The following IGF1R variants were observed in gnomAD, a reference collection of about 807,000 sequenced individuals.
IGF1R encodes the protein insulin like growth factor 1 receptor.
In IGF1R, 44 loss-of-function variants were observed where a neutral mutation model predicts 144.6. That is an observed-to-expected ratio of 0.30 (90% confidence interval 0.24 to 0.39). The LOEUF (loss-of-function observed/expected upper bound fraction) is 0.39, where lower values mean the gene tolerates loss of function less well. IGF1R is among the 10% of genes least tolerant of loss of function. The pLI is 1.00. For missense variants in IGF1R, 1,355 were observed against 1,833.7 expected (o/e 0.74, Z 4.77); for synonymous variants, 795 against 722.8 (o/e 1.10, Z -1.60).
chr15:98,887,425 G>A, intron 2 of IGF1R, among the ~76,000 whole-genome samples: 1 of 126,482 alleles, frequency 7.9e-6, no homozygotes. Flanking sequence ...TCTTTTCAAC[G>A]TTCTTATTAC....
At chr15:98,882,505 T>C (rs4966034) in intron 2 of IGF1R, among the ~76,000 whole-genome samples, 29,215 of 152,140 alleles carry the variant, frequency 0.19, 3,733 homozygotes, top group East Asian at 0.41. Context: ...GAATCTGTGA[T>C]TGGATGAAAG....
intron 19 of IGF1R, among the ~76,000 whole-genome samples, chr15:98,947,179 T>A (rs180928698): frequency 6.6e-6 from 1 of 152,358 alleles, no homozygotes; most frequent in Admixed American, 6.5e-5. Context: ...CGACAGCATT[T>A]CTTGGTCACT....
chr15:98,757,018 G>T (rs1567113326), intron 2 of IGF1R, among the ~76,000 whole-genome samples: 1 of 152,142 alleles, frequency 6.6e-6, no homozygotes, highest in Non-Finnish European at 1.5e-5. Flanking sequence ...TTGCTTTGTG[G>T]ACATTAAAAA....
intron 20 of IGF1R, among the ~76,000 whole-genome samples, chr15:98,950,325 A>T (rs2016725613): frequency 1.3e-5 from 2 of 152,314 alleles, no homozygotes; most frequent in Middle Eastern, 6.8e-3. Context: ...AGTTTTGCTC[A>T]TTTGGTCTCC....
chr15:98,843,313 A>G (rs2011209328), intron 2 of IGF1R, among the ~76,000 whole-genome samples: 1 of 152,160 alleles, frequency 6.6e-6, no homozygotes, highest in African/African-American at 2.4e-5. Context: ...TCTTACCTGC[A>G]TAATAGACGC....
intron 2 of IGF1R, among the ~76,000 whole-genome samples, chr15:98,776,324 A>G (rs570853065): frequency 5.3e-5 from 8 of 151,966 alleles, no homozygotes; most frequent in Admixed American, 3.3e-4. Flanking sequence ...AACAGGGTCT[A>G]TGGGCATGTG....
chr15:98,823,647 G>T (rs927186933), intron 2 of IGF1R, among the ~76,000 whole-genome samples: 1 of 152,208 alleles, frequency 6.6e-6, no homozygotes, highest in Non-Finnish European at 1.5e-5. Flanking sequence ...CACAGGGCTG[G>T]TCTGAGCCCA....
intron 2 of IGF1R, among the ~76,000 whole-genome samples, chr15:98,882,960 G>A (rs1461008504): frequency 1.3e-5 from 2 of 152,170 alleles, no homozygotes; most frequent in Non-Finnish European, 2.9e-5. Flanking sequence ...ACCTTTCTGT[G>A]TGCTCCTGGG....
intron 10 of IGF1R, among the ~76,000 whole-genome samples, chr15:98,920,935 G>A (rs149922182): frequency 8.7e-4 from 132 of 152,294 alleles, no homozygotes; most frequent in South Asian, 2.5e-3. Flanking sequence ...CCTGCCGAGC[G>A]TCAGCCGAAC....
At chr15:98,872,609 C>G (rs1312116434) in intron 2 of IGF1R, among the ~76,000 whole-genome samples, 1 of 152,206 alleles carries the variant, frequency 6.6e-6, no homozygotes, top group Non-Finnish European at 1.5e-5. Flanking sequence ...CACATTTCAT[C>G]TTATACCAGT....
rs145417595 is a variant in IGF1R, at chr15:98,883,317, A to G, written c.641-8008A>G. Among the ~76,000 whole-genome samples, 387 of 152,234 alleles carry G rather than the reference A, an allele frequency of 2.5e-3. 2 individuals carry two copies. The highest frequency in any genetic ancestry group is 8.9e-3 in the African/African-American group (371 of 41,524). On this transcript the variant is annotated intron_variant, in intron 2 of 20. Transcript: ENST00000650285. Reference sequence around the variant, plus strand: ...AGTGGCTCAGTGGGGTTTTTTTCCAACCATTCCTTAGGATGACCAGAAGCT... The same window carrying G: ...AGTGGCTCAGTGGGGTTTTTTTCCAGCCATTCCTTAGGATGACCAGAAGCT...
At chr15:98,865,185 G>T (rs2012362911) in intron 2 of IGF1R, among the ~76,000 whole-genome samples, 1 of 152,204 alleles carries the variant, frequency 6.6e-6, no homozygotes, top group Non-Finnish European at 1.5e-5. Context: ...GACGGGCACA[G>T]AATTCACAAT....
At chr15:98,869,369 T>G (rs1051604882) in intron 2 of IGF1R, among the ~76,000 whole-genome samples, 2 of 150,782 alleles carry the variant, frequency 1.3e-5, no homozygotes, top group African/African-American at 4.9e-5. Flanking sequence ...TATGGTCAAA[T>G]TGGCAACGAC....
chr15:98,720,614 G>A (rs755669109), intron 2 of IGF1R, among the ~76,000 whole-genome samples: 14 of 152,200 alleles, frequency 9.2e-5, no homozygotes, highest in Non-Finnish European at 1.5e-4. Context: ...ATGTAGGACA[G>A]GAGGCTGGCA....
intron 2 of IGF1R, among the ~76,000 whole-genome samples, chr15:98,777,117 G>A (rs1014638174): frequency 6.6e-6 from 1 of 152,146 alleles, no homozygotes; most frequent in African/African-American, 2.4e-5. Flanking sequence ...CTCAGATACC[G>A]TGTCAGTTCA....
intron 2 of IGF1R, among the ~76,000 whole-genome samples, chr15:98,764,858 G>A (rs898765285): frequency 6.6e-6 from 1 of 152,092 alleles, no homozygotes; most frequent in African/African-American, 2.4e-5. Flanking sequence ...GAACAACTCA[G>A]TGACATCTAG....
At chr15:98,843,180 C>T (rs536787663) in intron 2 of IGF1R, among the ~76,000 whole-genome samples, 2 of 152,204 alleles carry the variant, frequency 1.3e-5, no homozygotes, top group Non-Finnish European at 2.9e-5. Flanking sequence ...TGCTACAATC[C>T]TAACATGCTG....
At chr15:98,820,125 A>G (rs527863027) in intron 2 of IGF1R, among the ~76,000 whole-genome samples, 1 of 152,282 alleles carries the variant, frequency 6.6e-6, no homozygotes, top group East Asian at 1.9e-4. Context: ...GTGTGGTTGA[A>G]GTTCAGCCAT....
chr15:98,661,000 C>A (rs1046636382), intron 1 of IGF1R, among the ~76,000 whole-genome samples: 1 of 152,108 alleles, frequency 6.6e-6, no homozygotes, highest in Non-Finnish European at 1.5e-5. Flanking sequence ...TACTTGCACA[C>A]CTGCTGACCT....
Sources: gnomAD v4.1 joint callset for allele counts (sites outside exome capture counted in the v4.1 genomes callset) on GRCh38, gnomAD v4.1.1 for gene constraint, MANE v1.5 for transcripts, NCBI Gene and HGNC (gene_info 2026-07-23, HGNC 2026-07-21) for gene names.